Variants in MFSD8 observed in about 807,000 individuals in gnomAD.
The protein encoded by MFSD8 is major facilitator superfamily domain-containing protein 8.
Under a neutral mutation model 66.4 loss-of-function variants are expected in MFSD8, and 55 were observed. That is an observed-to-expected ratio of 0.83 (90% CI 0.67 to 1.04). The LOEUF (loss-of-function observed/expected upper bound fraction) is 1.04, where lower values mean the gene tolerates loss of function less well. MFSD8 is among the 50% of genes least tolerant of loss of function. The pLI, the probability that MFSD8 is intolerant of heterozygous loss-of-function variation, is 0.00. For synonymous variants in MFSD8, 202 were observed against 212.8 expected, an observed-to-expected ratio of 0.95 and a Z score of 0.44; for missense variants, 550 against 627.6, an observed-to-expected ratio of 0.88 and a Z score of 1.32.
intron 3 of MFSD8, among the ~76,000 whole-genome samples, chr4:127,948,680 T>C (rs1560762492): frequency 6.6e-6 from 1 of 152,160 alleles, no homozygotes; most frequent in Non-Finnish European, 1.5e-5. Context: ...TGTGCCCTCA[T>C]GAATGAATCC....
At chr4:127,930,891 T>TTA in intron 8 of MFSD8, 74 bp from the exon 9 acceptor site, 1 of 1,379,748 alleles carries the variant, frequency 7.2e-7, no homozygotes, top group Non-Finnish European at 1.0e-6. Context: ...GTGTAAGTTT[T>TTA]AATAACGACA....
intron 9 of MFSD8, among the ~76,000 whole-genome samples, chr4:127,923,552 T>TTTATTATTA (rs200387529): frequency 0.034 from 4,418 of 130,498 alleles, 87 homozygotes; most frequent in Non-Finnish European, 0.037. Flanking sequence ...TTTATTTTTA[T>TTTATTATTA]TTATTATTAT....
chr4:127,931,563 G>T (rs1210588565), intron 8 of MFSD8, among the ~76,000 whole-genome samples: 2 of 151,998 alleles, frequency 1.3e-5, no homozygotes, highest in African/African-American at 4.8e-5. Context: ...TCACCATATG[G>T]CCAGGCTGGT....
intron 7 of MFSD8, chr4:127,934,655 A>G (rs1041604382): frequency 4.0e-5 from 6 of 149,842 alleles, no homozygotes; most frequent in East Asian, 3.9e-4. Flanking sequence ...TCTCTGCTCA[A>G]TGCAACCCCC....
At chr4:127,925,646 G>A (rs1440182182) in intron 9 of MFSD8, among the ~76,000 whole-genome samples, 4 of 152,190 alleles carry the variant, frequency 2.6e-5, no homozygotes, top group African/African-American at 9.7e-5. Flanking sequence ...TGGTGGGAGT[G>A]TAAATTAGTT....
intron 3 of MFSD8, among the ~76,000 whole-genome samples, chr4:127,948,485 T>A (rs573082520): frequency 2.0e-5 from 3 of 152,300 alleles, no homozygotes; most frequent in Admixed American, 6.5e-5. Context: ...TTCCTTCTTT[T>A]CCTTCCTTTC....
At chr4:127,923,130 G>C (rs1389411526) in intron 9 of MFSD8, among the ~76,000 whole-genome samples, 3 of 152,060 alleles carry the variant, frequency 2.0e-5, no homozygotes, top group African/African-American at 7.2e-5. Flanking sequence ...TCTTTCTCTT[G>C]CCTGATTGCC....
intron 5 of MFSD8, among the ~76,000 whole-genome samples, chr4:127,940,598 A>T (rs1027856816): frequency 2.9e-5 from 4 of 138,576 alleles, no homozygotes; most frequent in South Asian, 4.4e-4. Flanking sequence ...AAGTAAAATG[A>T]AAAAAAAAAA....
Position 127,921,710 on chromosome 4 carries a change from C to T in MFSD8, c.1164G>A (p.Lys388=). The T allele has an allele frequency of 6.2e-7, 1 of 1,614,138 alleles. No individual in the cohort carries two copies. Among genetic ancestry groups the T allele is most frequent in the Non-Finnish European group, 8.5e-7 (1 of 1,180,028 alleles). ...TTTCATTGTCATCTTCCATTGGAGA[C>T]TTCCAAAGACCAATAATAATTTCCC... ...TFGEIIIGLW[K]SPMEDDNERP... is the part of the protein sequence containing the mutation. Residue 388 remains lysine (K), a synonymous_variant, in exon 11 of 12, where the codon AAG becomes AAA. Coordinates refer to ENST00000641686, the MANE Select transcript of MFSD8 (RefSeq NM_001371596.2).
chr4:127,929,766 C>T (rs1042683647), intron 9 of MFSD8, among the ~76,000 whole-genome samples: 8 of 152,034 alleles, frequency 5.3e-5, no homozygotes, highest in African/African-American at 1.5e-4. Context: ...CTATAGTTAG[C>T]AATAATTTAG....
intron 3 of MFSD8, among the ~76,000 whole-genome samples, chr4:127,946,225 C>A (rs907536142): frequency 6.6e-6 from 1 of 152,056 alleles, no homozygotes; most frequent in Non-Finnish European, 1.5e-5. Context: ...CAGCACTGGG[C>A]CTGATAGCAA....
rs758845478 is a variant in MFSD8 at position 127,944,004 on chromosome 4, G to T, written c.199-12C>A. 12 of 1,613,870 alleles carry T rather than the reference G, an allele frequency of 7.4e-6. No individual in the cohort carries two copies. Among genetic ancestry groups the T allele is most frequent in the Non-Finnish European group, 1.0e-5 (12 of 1,180,002 alleles). On this transcript the variant is annotated splice_polypyrimidine_tract_variant and intron_variant, in intron 3 of 11. Coordinates refer to ENST00000641686, the MANE Select transcript of MFSD8 (RefSeq NM_001371596.2). The stretch of plus-strand genomic sequence containing the variant: ...GCTGTCGGATCAATCTGCAGAAAAA[G>T]GTACAGTGCTTTAAGAATTGTTATC...
chr4:127,933,146 T>C, intron 7 of MFSD8, 53 bp from the exon 8 acceptor site: 3 of 1,437,428 alleles, frequency 2.1e-6, no homozygotes, highest in South Asian at 1.2e-5. Flanking sequence ...ATTTTTCTTA[T>C]GACATTAAAG....
chr4:127,947,207 T>C (rs1741181952), intron 3 of MFSD8, among the ~76,000 whole-genome samples: 1 of 151,870 alleles, frequency 6.6e-6, no homozygotes, highest in African/African-American at 2.4e-5. Flanking sequence ...CTAGCCAACA[T>C]GCCGAAAACC....
chr4:127,940,523 T>TATAC (rs1462025314), intron 5 of MFSD8, among the ~76,000 whole-genome samples: 3 of 145,890 alleles, frequency 2.1e-5, no homozygotes, highest in Non-Finnish European at 4.5e-5. Context: ...ATGGTATATA[T>TATAC]ATATATATAT....
intron 5 of MFSD8, among the ~76,000 whole-genome samples, chr4:127,940,394 C>G (rs2148909312): frequency 6.6e-6 from 1 of 151,836 alleles, no homozygotes; most frequent in East Asian, 1.9e-4. Context: ...AAAACATCTC[C>G]ATAGGCAATT....
intron 1 of MFSD8, among the ~76,000 whole-genome samples, chr4:127,961,235 T>C (rs1318064746): frequency 1.3e-5 from 2 of 149,558 alleles, no homozygotes; most frequent in East Asian, 2.1e-4. Context: ...TACTAGGGAA[T>C]ATACTTGTTT....
At position 127,921,696 on chromosome 4, in the gene MFSD8, T is replaced by A. The variant is rs762336516; in HGVS notation, c.1178A>T (p.Asp393Val). The change falls in exon 11 of 12, where the codon GAT (aspartate) becomes GTT (valine). Residue 393 changes from aspartate (D) to valine (V), a missense_variant. Physicochemically the swap from Asp to Val is radical, Grantham distance 152 (BLOSUM62 -3). Coordinates refer to ENST00000641686, the MANE Select transcript of MFSD8 (RefSeq NM_001371596.2). ...IIGLWKSPME[D>V]DNERPTGCSI... ...GCAACCAGTTGGTCTTTCATTGTCA[T>A]CTTCCATTGGAGACTTCCAAAGACC... 6.2e-7 allele frequency: 1 copy of A among 1,614,222 alleles called. No homozygotes were observed. The highest frequency in any genetic ancestry group is 2.2e-5 in the East Asian group (1 of 44,882).
intron 8 of MFSD8, 55 bp from the exon 9 acceptor site, chr4:127,930,872 TA>T: frequency 6.6e-7 from 1 of 1,510,428 alleles, no homozygotes. Context: ...CTGTTATACT[TA>T]AAGTGAAGTG....
Sources: allele counts gnomAD v4.1 joint callset (sites outside exome capture counted in the v4.1 genomes callset), GRCh38; gene constraint gnomAD v4.1.1; transcripts MANE v1.5; gene names NCBI Gene and HGNC (gene_info 2026-07-23, HGNC 2026-07-21).